Variants in NDRG4 observed in about 807,000 individuals in gnomAD.
NDRG4 encodes NDRG family member 4.
Under a neutral mutation model 55.8 loss-of-function variants are expected in NDRG4, and 38 were observed. The observed-to-expected ratio is 0.68, with a 90% confidence interval of 0.53 to 0.89. The LOEUF (loss-of-function observed/expected upper bound fraction) is 0.89, where lower values mean the gene tolerates loss of function less well. NDRG4 is among the 40% of genes least tolerant of loss of function. NDRG4 has a pLI of 0.00. For synonymous variants in NDRG4, 190 were observed against 182.7 expected, an observed-to-expected ratio of 1.04 and a Z score of -0.32; for missense variants, 455 against 468.6, an observed-to-expected ratio of 0.97 and a Z score of 0.27.
upstream of NDRG4, among the ~76,000 whole-genome samples, chr16:58,495,755 G>A (rs549597283): frequency 2.0e-5 from 3 of 152,318 alleles, no homozygotes; most frequent in East Asian, 1.9e-4. Flanking sequence ...CTGGTCCCTC[G>A]GTCACGCGCC....
rs2038479823 is a variant in NDRG4, at chr16:58,509,372, A to T, written c.865+20A>T. 6.2e-7 allele frequency: 1 copy of T among 1,610,904 alleles called. No individual in the cohort carries two copies. The highest frequency in any genetic ancestry group is 1.3e-5 in the African/African-American group (1 of 74,890). ...GCTACAGTGAGTACATTTCCACCCC[A>T]CCCCACACCACCTAGAGACCGGTGG... On this transcript the variant is annotated intron_variant, in intron 13 of 14. Coordinates refer to ENST00000570248, the MANE Select transcript of NDRG4 (RefSeq NM_001242835.2).
At chr16:58,502,281 G>C in intron 1 of NDRG4, 3 of 336,866 alleles carry the variant, frequency 8.9e-6, no homozygotes, top group South Asian at 6.7e-5. Flanking sequence ...CCCGAGAAAG[G>C]ATAGGCCTGG....
chr16:58,478,264 C>T lies in NDRG4; in HGVS notation c.-23-9492C>T, dbSNP rs145833685. On this transcript the variant is annotated intron_variant, in intron 1 of 15. Coordinates refer to the NDRG4 transcript ENST00000258187. ...CTTAGCCAGGCATGGTGGCGGGCAC[C>T]TGTAATCCCAGCTACTTGGGAGGCT... Among the ~76,000 whole-genome samples, 647 of 152,160 alleles carry T rather than the reference C, an allele frequency of 4.3e-3. 5 individuals are homozygous for T. Among genetic ancestry groups the T allele is most frequent in the African/African-American group, 0.015 (613 of 41,512 alleles).
intron 1 of NDRG4, among the ~76,000 whole-genome samples, chr16:58,468,378 C>T (rs568370645): frequency 6.6e-6 from 1 of 152,318 alleles, no homozygotes; most frequent in South Asian, 2.1e-4. Context: ...CAAATTGTTA[C>T]CTTCTTTCGG....
chr16:58,473,057 G>A (rs1405187692), intron 1 of NDRG4, among the ~76,000 whole-genome samples: 1 of 152,102 alleles, frequency 6.6e-6, no homozygotes, highest in East Asian at 1.9e-4. Flanking sequence ...TATCTTTGAA[G>A]TGACTCCTCC....
At chr16:58,507,138 G>C in intron 8 of NDRG4, 123 bp downstream of exon 8, 1 of 737,150 alleles carries the variant, frequency 1.4e-6, no homozygotes, top group Non-Finnish European at 2.3e-6. Context: ...CACGATATTG[G>C]GCCTCAAAGG....
chr16:58,503,655 G>T, intron 1 of NDRG4, 143 bp from the exon 2 acceptor site: 1 of 1,504,286 alleles, frequency 6.6e-7, no homozygotes. Context: ...CTCTCTGGGG[G>T]CTTCTTGGGG....
intron 1 of NDRG4, among the ~76,000 whole-genome samples, chr16:58,470,008 T>A (rs2032463802): frequency 6.6e-6 from 1 of 152,200 alleles, no homozygotes; most frequent in Non-Finnish European, 1.5e-5. Flanking sequence ...GTTAGAAACA[T>A]TTTCTTTCAG....
chr16:58,483,767 T>C (rs928532082), intron 1 of NDRG4, among the ~76,000 whole-genome samples: 1 of 152,252 alleles, frequency 6.6e-6, no homozygotes, highest in Non-Finnish European at 1.5e-5. Flanking sequence ...AAATCTTTCA[T>C]TTAAAAGGCA....
chr16:58,500,736 C>T, intron 1 of NDRG4: 1 of 415,008 alleles, frequency 2.4e-6, no homozygotes, highest in Non-Finnish European at 4.2e-6. Context: ...GCCCAGTGTG[C>T]GTGCCGGGTC....
At chr16:58,504,451 GC>G in intron 4 of NDRG4, 30 bp downstream of exon 4, 1 of 1,612,280 alleles carries the variant, frequency 6.2e-7, no homozygotes, top group South Asian at 1.1e-5. Flanking sequence ...CTGCGCTAGG[GC>G]CCAGGGGTGC....
In NDRG4 at chr16:58,474,028, C is replaced by CTTT. The variant is rs1168834628; in HGVS notation, c.-24+10255_-24+10257dup. 8.1e-4 allele frequency among the ~76,000 whole-genome samples: 82 copies of CTTT among 101,210 alleles called. 3 individuals are homozygous for CTTT. Among genetic ancestry groups the CTTT allele is most frequent in the African/African-American group, 2.3e-3 (55 of 24,008 alleles). 66.4% of individuals were successfully genotyped at this position (101,210 alleles called of 152,430 possible). A position where few individuals can be genotyped will look rare whatever the true frequency, so the allele number is the denominator to read the frequency against. On this transcript the variant is annotated intron_variant, in intron 1 of 15. Transcript: ENST00000258187. ...GTTTTTTCACTTTTCTTTTCTTTCC[C>CTTT]TTTTTTTTTTTTTTTTTTTTTTTTT...
rs768919736 is a variant in NDRG4 at position 58,465,209 on chromosome 16, G to T, written c.-24+1412G>T. Reference sequence around the variant, plus strand: ...TCTGGGACTTATAGGTGCTCCATCCGTGTATGTCAGATGAGCACAGATTCC... The same window carrying T: ...TCTGGGACTTATAGGTGCTCCATCCTTGTATGTCAGATGAGCACAGATTCC... On this transcript the variant is annotated intron_variant, in intron 1 of 15. Coordinates refer to the NDRG4 transcript ENST00000258187. 3 of 811,788 alleles carry T rather than the reference G, an allele frequency of 3.7e-6. No homozygotes were observed. The South Asian group carries it at 4.2e-5, about 11-fold the overall frequency. 50.3% of individuals were successfully genotyped at this position (811,788 alleles called of 1,614,324 possible). A position where few individuals can be genotyped will look rare whatever the true frequency, so the allele number is the denominator to read the frequency against.
intron 5 of NDRG4, chr16:58,506,181 CAA>C (rs1202761964): frequency 8.3e-6 from 5 of 604,152 alleles, no homozygotes; most frequent in Middle Eastern, 2.5e-4. Flanking sequence ...GGGGTGGAAA[CAA>C]TGATAGAGAT....
Position 58,511,731 on chromosome 16 carries a change from A to ACT in NDRG4, c.*155_*156insCT, listed in dbSNP as rs2038827481. On this transcript the variant is annotated 3_prime_UTR_variant, in exon 15 of 15. Coordinates refer to ENST00000570248, the MANE Select transcript of NDRG4 (RefSeq NM_001242835.2). Reference sequence around the variant, plus strand: ...GGGATCTTAGATGCTGCAGCAGAACAGTCTCCAGGTGTTTTAAGGGGCTCA... The same window carrying ACT: ...GGGATCTTAGATGCTGCAGCAGAACACTGTCTCCAGGTGTTTTAAGGGGCTCA... 4 of 913,132 alleles carry ACT rather than the reference A, an allele frequency of 4.4e-6. No homozygotes were observed. The highest frequency in any genetic ancestry group is 7.0e-6 in the Non-Finnish European group (4 of 574,774). 56.6% of individuals were successfully genotyped at this position (913,132 alleles called of 1,614,324 possible).
At chr16:58,505,737 T>G (rs1468320478) in intron 5 of NDRG4, among the ~76,000 whole-genome samples, 2 of 142,454 alleles carry the variant, frequency 1.4e-5, no homozygotes, top group African/African-American at 5.4e-5. Flanking sequence ...TTTTTTTTTT[T>G]TTGAGATGGA....
At chr16:58,479,517 C>G (rs1272181288) in intron 1 of NDRG4, among the ~76,000 whole-genome samples, 1 of 152,216 alleles carries the variant, frequency 6.6e-6, no homozygotes, top group Non-Finnish European at 1.5e-5. Flanking sequence ...ATTTAACAGA[C>G]TACCAAGTTG....
intron 1 of NDRG4, among the ~76,000 whole-genome samples, chr16:58,474,534 C>T (rs1222227278): frequency 6.6e-6 from 1 of 152,122 alleles, no homozygotes; most frequent in East Asian, 1.9e-4. Flanking sequence ...CCCTGTTTCA[C>T]ATCCCTCTCT....
intron 8 of NDRG4, 100 bp from the exon 9 acceptor site, chr16:58,507,708 C>T (rs558174607): frequency 1.5e-5 from 17 of 1,162,198 alleles, no homozygotes; most frequent in African/African-American, 9.1e-5. Context: ...AGCAGGTCCA[C>T]GCCTCCCTGC....
Sources: gnomAD v4.1 joint callset for allele counts (sites outside exome capture counted in the v4.1 genomes callset) on GRCh38, gnomAD v4.1.1 for gene constraint, MANE v1.5 for transcripts, NCBI Gene and HGNC (gene_info 2026-07-23, HGNC 2026-07-21) for gene names.